The following FBXL17 variants were observed in gnomAD, a reference collection of about 807,000 sequenced individuals.
FBXL17 encodes F-box and leucine rich repeat protein 17.
Under a neutral mutation model 66.2 loss-of-function variants are expected in FBXL17, and 22 were observed. That is an observed-to-expected ratio of 0.33 (90% CI 0.24 to 0.47). The LOEUF is 0.47. FBXL17 is among the 20% of genes least tolerant of loss of function. The probability of loss-of-function intolerance (pLI) is 1.00; values close to 1 mark genes in which losing one functional copy is unlikely to be tolerated. For missense variants in FBXL17, 878 were observed against 948.2 expected, an observed-to-expected ratio of 0.93 and a Z score of 0.97; for synonymous variants, 474 against 400.5, an observed-to-expected ratio of 1.18 and a Z score of -2.19.
At chr5:108,045,343 G>A (rs2112811165) in intron 6 of FBXL17, among the ~76,000 whole-genome samples, 1 of 152,182 alleles carries the variant, frequency 6.6e-6, no homozygotes, top group South Asian at 2.1e-4. Flanking sequence ...TTGGGAGGCT[G>A]GGTCAGGAGA....
At chr5:107,986,022 A>C (rs1385451603) in intron 7 of FBXL17, among the ~76,000 whole-genome samples, 2 of 152,150 alleles carry the variant, frequency 1.3e-5, no homozygotes, top group Non-Finnish European at 2.9e-5. Flanking sequence ...AAAACCTAAC[A>C]ACTTAGAAAA....
intron 6 of FBXL17, among the ~76,000 whole-genome samples, chr5:108,146,348 G>A (rs1392952464): frequency 6.6e-6 from 1 of 151,844 alleles, no homozygotes. Context: ...TTCGAACGAG[G>A]ATTAATTTGA....
intron 4 of FBXL17, among the ~76,000 whole-genome samples, chr5:108,276,628 T>C (rs2150144534): frequency 6.6e-6 from 1 of 152,212 alleles, no homozygotes; most frequent in East Asian, 1.9e-4. Flanking sequence ...AAAAAAGACG[T>C]CTAACAAACA....
Position 108,381,069 on chromosome 5 carries a change from G to T in FBXL17, c.623C>A (p.Thr208Asn). ...GCCGCAGCGGGGCTGCTTGCAGGGG[G>T]TGCAGGCGGGGACCCCGGCCCCCTT... ...KRKGAGVPAC[T>N]PCKQPRCGGG... The change falls in exon 1 of 9, where the codon ACC becomes AAC. Residue 208 changes from threonine to asparagine, a missense_variant. Thr to Asn is a moderately conservative substitution (Grantham distance 65). Coordinates refer to ENST00000542267, the MANE Select transcript of FBXL17 (RefSeq NM_001163315.3). 3 of 1,236,716 alleles carry T rather than the reference G, an allele frequency of 2.4e-6. No homozygotes were observed. The highest frequency in any genetic ancestry group is 3.4e-5 in the South Asian group (1 of 29,518). 76.6% of individuals were successfully genotyped at this position (1,236,716 alleles called of 1,614,324 possible).
At chr5:107,950,202 G>A (rs1580237185) in intron 7 of FBXL17, among the ~76,000 whole-genome samples, 1 of 152,166 alleles carries the variant, frequency 6.6e-6, no homozygotes, top group East Asian at 1.9e-4. Flanking sequence ...CAACCAGAGA[G>A]GACCCTATAG....
At chr5:108,203,735 T>C (rs1457416147) in intron 5 of FBXL17, among the ~76,000 whole-genome samples, 2 of 152,126 alleles carry the variant, frequency 1.3e-5, no homozygotes, top group Non-Finnish European at 2.9e-5. Context: ...TTCTGTAGAG[T>C]AAGGCAATCT....
intron 7 of FBXL17, among the ~76,000 whole-genome samples, chr5:107,950,223 T>C (rs1751451970): frequency 6.6e-6 from 1 of 152,150 alleles, no homozygotes; most frequent in Admixed American, 6.5e-5. Flanking sequence ...GAGACCTCTC[T>C]GCTCATTTAG....
At chr5:108,297,469 CA>C (rs1372019525) in intron 4 of FBXL17, among the ~76,000 whole-genome samples, 1 of 151,482 alleles carries the variant, frequency 6.6e-6, no homozygotes, top group Non-Finnish European at 1.5e-5. Flanking sequence ...ATAAATATCC[CA>C]AAAGCATTAC....
chr5:108,053,432 CAT>C (rs770300978), intron 6 of FBXL17, among the ~76,000 whole-genome samples: 2 of 151,924 alleles, frequency 1.3e-5, no homozygotes, highest in Middle Eastern at 3.4e-3. Context: ...AGCCAACAAA[CAT>C]ATGAAAAAAA....
At chr5:108,146,493 C>A (rs1045111707) in intron 6 of FBXL17, among the ~76,000 whole-genome samples, 1 of 152,070 alleles carries the variant, frequency 6.6e-6, no homozygotes, top group African/African-American at 2.4e-5. Context: ...AAAATGGCCA[C>A]GAAAGTCTAC....
chr5:108,317,186 C>T (rs562037727), intron 4 of FBXL17, among the ~76,000 whole-genome samples: 2 of 151,376 alleles, frequency 1.3e-5, no homozygotes, highest in Admixed American at 1.3e-4. Flanking sequence ...GTAAAGTTAA[C>T]AAATCGGTTC....
intron 6 of FBXL17, among the ~76,000 whole-genome samples, chr5:108,082,517 A>C (rs978610862): frequency 6.6e-6 from 1 of 152,210 alleles, no homozygotes; most frequent in Non-Finnish European, 1.5e-5. Flanking sequence ...GTAAGCAGCC[A>C]CCTGACATGC....
At chr5:108,359,054 T>G (rs891539246) in intron 3 of FBXL17, among the ~76,000 whole-genome samples, 1 of 152,072 alleles carries the variant, frequency 6.6e-6, no homozygotes, top group African/African-American at 2.4e-5. Context: ...TTTCTGTATT[T>G]CTAGAAATTT....
intron 7 of FBXL17, among the ~76,000 whole-genome samples, chr5:107,915,053 A>G (rs1024822487): frequency 6.8e-6 from 1 of 147,680 alleles, no homozygotes; most frequent in African/African-American, 2.7e-5. Context: ...TGAAGAAGAT[A>G]ATAAACTATC....
intron 6 of FBXL17, among the ~76,000 whole-genome samples, chr5:108,142,745 C>T (rs1040984347): frequency 6.6e-6 from 1 of 152,020 alleles, no homozygotes; most frequent in Non-Finnish European, 1.5e-5. Flanking sequence ...ATATTAGGAA[C>T]CAGGCTACTC....
At chr5:107,922,293 A>T (rs553722013) in intron 7 of FBXL17, among the ~76,000 whole-genome samples, 1 of 152,310 alleles carries the variant, frequency 6.6e-6, no homozygotes, top group Admixed American at 6.5e-5. Context: ...GGATGAATAC[A>T]GAGCTTTTCA....
chr5:108,119,993 G>A (rs1262528242), intron 6 of FBXL17, among the ~76,000 whole-genome samples: 1 of 152,124 alleles, frequency 6.6e-6, no homozygotes, highest in Non-Finnish European at 1.5e-5. Context: ...CATTATTACT[G>A]CAAACACATG....
At chr5:107,976,751 TA>T (rs909291487) in intron 7 of FBXL17, among the ~76,000 whole-genome samples, 11 of 152,096 alleles carry the variant, frequency 7.2e-5, no homozygotes, top group African/African-American at 2.4e-4. Flanking sequence ...TCAATTGGAT[TA>T]AAAAAAGAAA....
intron 7 of FBXL17, among the ~76,000 whole-genome samples, chr5:107,964,417 C>T (rs1448250157): frequency 8.0e-6 from 1 of 124,712 alleles, no homozygotes; most frequent in Non-Finnish European, 1.8e-5. Flanking sequence ...TTATCTGTTC[C>T]TTTAAAAAAA....
Sources: gnomAD v4.1 joint callset for allele counts (sites outside exome capture counted in the v4.1 genomes callset) on GRCh38, gnomAD v4.1.1 for gene constraint, MANE v1.5 for transcripts, NCBI Gene and HGNC (gene_info 2026-07-23, HGNC 2026-07-21) for gene names.